DNAAF8: variants seen among roughly 807,000 people sequenced by gnomAD.
DNAAF8 encodes dynein axonemal-associated protein 1.
DNAAF8 carries 61 observed loss-of-function variants against 54.6 expected under a neutral mutation model. That is an observed-to-expected ratio of 1.12 (90% CI 0.91 to 1.38). The LOEUF (loss-of-function observed/expected upper bound fraction) is 1.38. Among genes scored for constraint, DNAAF8 ranks in the 40% most tolerant of loss-of-function variants. DNAAF8 has a pLI of 0.00. For synonymous variants in DNAAF8, 320 were observed against 270.1 expected (o/e 1.18, Z -1.81); for missense variants, 837 against 665.0 (o/e 1.26, Z -2.85).
At chr16:4,736,783 C>T in intron 2 of DNAAF8, 140 bp downstream of exon 2, 2 of 963,524 alleles carry the variant, frequency 2.1e-6, no homozygotes, top group Non-Finnish European at 2.8e-6. Flanking sequence ...CTTTAAATCG[C>T]ATGGCCAGAC....
intron 6 of DNAAF8, among the ~76,000 whole-genome samples, 187 bp downstream of exon 6, chr16:4,745,198 G>A (rs540134192): frequency 6.6e-6 from 1 of 152,324 alleles, no homozygotes; most frequent in South Asian, 2.1e-4. Context: ...GCTCAGAGAG[G>A]TTGACTCTCT....
Position 4,744,867 on chromosome 16 carries a change from C to G in DNAAF8, c.902-3C>G, listed in dbSNP as rs374317109. The G allele has an allele frequency of 7.0e-5, 112 of 1,611,286 alleles. No individual in the cohort carries two copies. Among genetic ancestry groups the G allele is most frequent in the South Asian group, 2.3e-4 (21 of 91,016 alleles). ...AATCAGCCTCTCCTTTGGCCATCCT[C>G]AGACCGCATGGTGCCGAGCGCCCAC... On this transcript the variant is annotated splice_region_variant and splice_polypyrimidine_tract_variant and intron_variant, in intron 5 of 9. Transcript: ENST00000299320.
At chr16:4,735,633 A>C in intron 1 of DNAAF8, among the ~76,000 whole-genome samples, 1 of 149,026 alleles carries the variant, frequency 6.7e-6, no homozygotes, top group Non-Finnish European at 1.5e-5. Flanking sequence ...CAGAGTAGTG[A>C]CTCCAAAAAA....
At chr16:4,740,842 G>A (rs1375658339) in intron 4 of DNAAF8, among the ~76,000 whole-genome samples, 183 bp downstream of exon 4, 2 of 152,072 alleles carry the variant, frequency 1.3e-5, no homozygotes, top group Non-Finnish European at 2.9e-5. Flanking sequence ...GCACATCCTG[G>A]GGGAGGGTTA....
At chr16:4,744,238 TTC>T (rs908247773) in intron 5 of DNAAF8, among the ~76,000 whole-genome samples, 66 of 152,318 alleles carry the variant, frequency 4.3e-4, no homozygotes, top group African/African-American at 1.5e-3. Flanking sequence ...GCCGAATGTA[TTC>T]TCTGTTTTAA....
Position 4,741,981 on chromosome 16 carries a change from G to C in DNAAF8, c.784-1062G>C, listed in dbSNP as rs2081965650. On this transcript the variant is annotated intron_variant, in intron 4 of 9. Transcript: ENST00000299320. ...AAACTGGCACCAGGTATACACAGAAGTCATCTTTACTACTGTTTAAATCAA... is the reference window on the plus strand; with the variant it reads ...AAACTGGCACCAGGTATACACAGAACTCATCTTTACTACTGTTTAAATCAA... Among the ~76,000 whole-genome samples the C allele has an allele frequency of 1.3e-5, 2 of 152,174 alleles. 1 individual carries two copies. The highest frequency in any genetic ancestry group is 2.9e-5 in the Non-Finnish European group (2 of 68,030).
chr16:4,747,595 G>A lies in DNAAF8; in HGVS notation c.1533G>A (p.Glu511=). Residue 511 remains glutamate (E), a synonymous_variant, in exon 9 of 10, where the codon GAG becomes GAA. Coordinates refer to ENST00000299320, the MANE Select transcript of DNAAF8 (RefSeq NM_139170.3). ...GDVPEPGAAR[E]ALMPPLEQL The stretch of plus-strand genomic sequence containing the variant: ...TTCCTGAGCCAGGGGCAGCCAGGGA[G>A]GCCCTGATGCCTCCTCTGGAGCAAC... 6.2e-7 allele frequency: 1 copy of A among 1,610,128 alleles called. No individual in the cohort carries two copies. The highest frequency in any genetic ancestry group is 1.3e-5 in the African/African-American group (1 of 74,970).
intron 3 of DNAAF8, among the ~76,000 whole-genome samples, chr16:4,739,636 C>T (rs1240182558): frequency 6.6e-6 from 1 of 151,332 alleles, no homozygotes; most frequent in Non-Finnish European, 1.5e-5. Context: ...GCAGCCTCCA[C>T]CTCCCGGGCT....
rs147663936 is a variant in DNAAF8 at position 4,745,767 on chromosome 16, A to G, written c.1044-608A>G. The stretch of plus-strand genomic sequence containing the variant: ...GGAGTTCGAGACCAGCCTGGCCAAC[A>G]TGGTGAAACCCCATCTCTACTAAAA... On this transcript the variant is annotated intron_variant, in intron 6 of 9. Coordinates refer to ENST00000299320, the MANE Select transcript of DNAAF8 (RefSeq NM_139170.3). Among the ~76,000 whole-genome samples the G allele has an allele frequency of 3.3e-3, 499 of 152,218 alleles. 2 individuals are homozygous for G. The highest frequency in any genetic ancestry group is 0.011 in the African/African-American group (477 of 41,548).
Position 4,740,146 on chromosome 16 carries a change from T to A in DNAAF8, c.277-7T>A. ...ATGCTAACTGAACATACCTGTTTTC[T>A]TGACAGCCAGTTCTGGTGCCTGCAG... On this transcript the variant is annotated splice_region_variant and splice_polypyrimidine_tract_variant and intron_variant, in intron 3 of 9. Transcript: ENST00000299320. 1 of 1,587,622 alleles carries A rather than the reference T, an allele frequency of 6.3e-7. No homozygotes were observed. The highest frequency in any genetic ancestry group is 1.7e-4 in the Middle Eastern group (1 of 5,950).
At position 4,745,004 on chromosome 16, in the gene DNAAF8, G is replaced by C. The variant is rs750494923; in HGVS notation, c.1036G>C (p.Gly346Arg). ...CCAGGACACCAAAGAGGCAGATTCA[G>C]GAAGCAGGTGGGACTTGTAGCCAGG... ...TPQDTKEADSGSRCASRKQGS... is the reference protein window; with the variant it reads ...TPQDTKEADSRSRCASRKQGS... Residue 346 changes from glycine to arginine, a missense_variant, in exon 6 of 10, where the codon GGA (glycine) becomes CGA (arginine). Gly to Arg is a moderately radical substitution (Grantham distance 125). Coordinates refer to ENST00000299320, the MANE Select transcript of DNAAF8 (RefSeq NM_139170.3). 1.2e-6 allele frequency: 2 copies of C among 1,613,296 alleles called. No individual in the cohort carries two copies. The highest frequency in any genetic ancestry group is 1.7e-6 in the Non-Finnish European group (2 of 1,179,378).
rs761391650 is a variant in DNAAF8, at chr16:4,743,211, C to A, written c.901+51C>A. On this transcript the variant is annotated intron_variant, in intron 5 of 9. Coordinates refer to ENST00000299320, the MANE Select transcript of DNAAF8 (RefSeq NM_139170.3). ...CGTGAATCCCCACAAGCAGCACCTT[C>A]CTGGGCCCCTCAGACACAGAGGGCT... 8.9e-6 allele frequency: 12 copies of A among 1,353,732 alleles called. No homozygotes were observed. The Admixed American group carries it at 2.3e-4, about 26-fold the overall frequency. 83.9% of individuals were successfully genotyped at this position (1,353,732 alleles called of 1,614,324 possible).
Position 4,743,122 on chromosome 16 carries a change from G to T in DNAAF8, c.863G>T (p.Gly288Val), listed in dbSNP as rs1567502135. The T allele has an allele frequency of 6.2e-7, 1 of 1,611,754 alleles. No individual in the cohort carries two copies. ...QEDNQGNRAPGTVWWAADHRQ... is the reference protein window; with the variant it reads ...QEDNQGNRAPVTVWWAADHRQ... ...GACAACCAGGGAAATCGTGCACCTG[G>T]AACTGTGTGGTGGGCAGCTGACCAC... The change falls in exon 5 of 10, where the codon GGA (glycine) becomes GTA (valine). Residue 288 changes from glycine (G) to valine (V), a missense_variant. Physicochemically the swap from Gly to Val is moderately radical, Grantham distance 109. Transcript: ENST00000299320.
At chr16:4,743,505 T>G in intron 5 of DNAAF8, 2 of 135,346 alleles carry the variant, frequency 1.5e-5, no homozygotes, top group South Asian at 1.5e-4. Context: ...AAGCCCCACC[T>G]TCTGTGCGCA....
At position 4,736,781 on chromosome 16, in the gene DNAAF8, C is replaced by T. The variant is rs772673171; in HGVS notation, c.129+138C>T. 2.8e-5 allele frequency: 28 copies of T among 991,192 alleles called. No homozygotes were observed. In the African/African-American group the frequency reaches 3.8e-4, roughly 14 times the overall value. The allele number at this position is 991,192 out of a possible 1,614,324, so 61.4% of individuals were successfully genotyped here. On this transcript the variant is annotated intron_variant, in intron 2 of 9. Coordinates refer to ENST00000299320, the MANE Select transcript of DNAAF8 (RefSeq NM_139170.3). ...AGTTTGTTGTCATTTTACTTTAAAT[C>T]GCATGGCCAGACTCAAAGTTGTGTT...
At chr16:4,743,222 C>T (rs2081975204) in intron 5 of DNAAF8, 62 bp downstream of exon 5, 1 of 1,255,570 alleles carries the variant, frequency 8.0e-7, no homozygotes, top group South Asian at 1.3e-5. Context: ...CTGGGCCCCT[C>T]AGACACAGAG....
intron 5 of DNAAF8, 197 bp downstream of exon 5, chr16:4,743,357 C>A: frequency 2.1e-6 from 1 of 486,908 alleles, no homozygotes; most frequent in Non-Finnish European, 3.6e-6. Context: ...TGACCGCCTG[C>A]TACGTGCCAG....
intron 9 of DNAAF8, 29 bp downstream of exon 9, chr16:4,747,663 C>CGGGCT: frequency 6.4e-7 from 1 of 1,567,820 alleles, no homozygotes; most frequent in Non-Finnish European, 8.7e-7. Flanking sequence ...TGGGCAGGGG[C>CGGGCT]GGGCTGACTT....
chr16:4,740,235 G>T lies in DNAAF8; in HGVS notation c.359G>T (p.Gly120Val). Reference sequence around the variant, plus strand: ...ACAAAGGATGCATCCTCTCAGGAAGGAAGAGACCCTGGCAGGCCTTTTGAA... The same window carrying T: ...ACAAAGGATGCATCCTCTCAGGAAGTAAGAGACCCTGGCAGGCCTTTTGAA... ...TRTKDASSQE[G>V]RDPGRPFESS... The change falls in exon 4 of 10, where the codon GGA becomes GTA. Residue 120 changes from glycine to valine, a missense_variant. Transcript: ENST00000299320. The T allele has an allele frequency of 1.2e-6, 2 of 1,614,126 alleles. No homozygotes were observed. The highest frequency in any genetic ancestry group is 2.2e-5 in the South Asian group (2 of 91,082).
Sources: gnomAD v4.1 joint callset for allele counts (sites outside exome capture counted in the v4.1 genomes callset) on GRCh38, gnomAD v4.1.1 for gene constraint, MANE v1.5 for transcripts, NCBI Gene and HGNC (gene_info 2026-07-23, HGNC 2026-07-21) for gene names.